ELOVL6: variants seen among roughly 807,000 people sequenced by gnomAD.
The protein encoded by ELOVL6 is very long chain fatty acid elongase 6.
In ELOVL6, 8 loss-of-function variants were observed where a neutral mutation model predicts 31.7. The observed-to-expected ratio is 0.25, with a 90% confidence interval of 0.15 to 0.45. ELOVL6 has a LOEUF of 0.45. Among genes scored for constraint, ELOVL6 ranks in the 20% least tolerant of loss-of-function variants. The probability of loss-of-function intolerance (pLI) is 1.00; values close to 1 mark genes in which losing one functional copy is unlikely to be tolerated. For missense variants in ELOVL6, 126 were observed against 326.4 expected, an observed-to-expected ratio of 0.39 and a Z score of 4.73; for synonymous variants, 101 against 117.7, an observed-to-expected ratio of 0.86 and a Z score of 0.92.
chr4:110,130,207 T>C lies in ELOVL6; in HGVS notation c.90-24579A>G, dbSNP rs547224901. Among the ~76,000 whole-genome samples, 42 of 152,158 alleles carry C rather than the reference T, an allele frequency of 2.8e-4. 1 individual carries two copies. The highest frequency in any genetic ancestry group is 9.9e-4 in the African/African-American group (41 of 41,540). On this transcript the variant is annotated intron_variant, in intron 1 of 3. Coordinates refer to ENST00000302274, the MANE Select transcript of ELOVL6 (RefSeq NM_024090.3). ...CACCGCGCCTGGCCACCCAACACAA[T>C]CTTAATACTCTAAATTTCAATTAAA...
chr4:110,059,539 CTAAA>C, intron 3 of ELOVL6, 60 bp downstream of exon 3: 4 of 1,491,768 alleles, frequency 2.7e-6, no homozygotes, highest in Non-Finnish European at 3.6e-6. Flanking sequence ...TCTTTGCTCA[CTAAA>C]TAAATACTGT....
intron 1 of ELOVL6, among the ~76,000 whole-genome samples, chr4:110,185,256 A>G (rs1262044890): frequency 6.6e-6 from 1 of 152,256 alleles, no homozygotes; most frequent in Non-Finnish European, 1.5e-5. Context: ...CAGTAATTCA[A>G]AACTAAATAC....
Position 110,176,347 on chromosome 4 carries a change from G to C in ELOVL6, c.89+21900C>G, listed in dbSNP as rs925515307. 2.0e-5 allele frequency among the ~76,000 whole-genome samples: 3 copies of C among 152,080 alleles called. 1 individual carries two copies. The highest frequency in any genetic ancestry group is 2.1e-4 in the South Asian group (1 of 4,828). ...CTGGATAATTTTTGTATTTTTAACA[G>C]AGATGGGGTTTCACCATGTTGGCAG... is the stretch of plus-strand genomic sequence containing the variant. On this transcript the variant is annotated intron_variant, in intron 1 of 3. Transcript: ENST00000302274.
At chr4:110,195,560 GAC>G (rs1560867771) in intron 1 of ELOVL6, among the ~76,000 whole-genome samples, 1 of 152,082 alleles carries the variant, frequency 6.6e-6, no homozygotes, top group Non-Finnish European at 1.5e-5. Context: ...ATGAAAGTAA[GAC>G]AATTAGGGTC....
At position 110,049,209 on chromosome 4, in the gene ELOVL6, AC is replaced by A. The variant is rs1754773857; in HGVS notation, c.*2128del. 1 of 152,232 alleles carries A rather than the reference AC, an allele frequency of 6.6e-6. No homozygotes were observed. The highest frequency in any genetic ancestry group is 1.5e-5 in the Non-Finnish European group (1 of 68,040). The allele number at this position is 152,232 out of a possible 1,614,324, so 9.4% of individuals were successfully genotyped here. A position where few individuals can be genotyped will look rare whatever the true frequency, so the allele number is the denominator to read the frequency against. On this transcript the variant is annotated 3_prime_UTR_variant, in exon 4 of 4. Transcript: ENST00000302274. ...TGTCAGATTTTGCATAATTTATAATACATTCCTCCATCAGTTGTGTCTCACC... is the reference window on the plus strand; with the variant it reads ...TGTCAGATTTTGCATAATTTATAATAATTCCTCCATCAGTTGTGTCTCACC...
At chr4:110,090,797 G>T (rs1021621330) in intron 2 of ELOVL6, among the ~76,000 whole-genome samples, 1 of 151,818 alleles carries the variant, frequency 6.6e-6, no homozygotes, top group Non-Finnish European at 1.5e-5. Flanking sequence ...CAGAGATGGG[G>T]TTTCGCCATG....
intron 3 of ELOVL6, among the ~76,000 whole-genome samples, chr4:110,052,832 C>T (rs1354131296): frequency 1.3e-5 from 2 of 152,218 alleles, no homozygotes; most frequent in African/African-American, 4.8e-5. Context: ...ATGCGTCTTT[C>T]TCCTTCCTAT....
chr4:110,165,354 T>C (rs1758745528), intron 1 of ELOVL6, among the ~76,000 whole-genome samples: 1 of 152,180 alleles, frequency 6.6e-6, no homozygotes, highest in Non-Finnish European at 1.5e-5. Flanking sequence ...CCTTCCTGTC[T>C]AGCAGACCTA....
intron 2 of ELOVL6, among the ~76,000 whole-genome samples, chr4:110,081,490 G>T (rs1755849369): frequency 6.6e-6 from 1 of 152,012 alleles, no homozygotes; most frequent in Non-Finnish European, 1.5e-5. Flanking sequence ...CAAGAAATGG[G>T]GAAAGGATTC....
In ELOVL6 at chr4:110,046,127, C is replaced by G. The variant is rs936397807; in HGVS notation, c.*5211G>C. ...TTGAAACGAGTATGACCAGGGAGGA[C>G]TGTTAGGCTACTTCTGTGGCCTTCT... On this transcript the variant is annotated 3_prime_UTR_variant, in exon 4 of 4. Coordinates refer to ENST00000302274, the MANE Select transcript of ELOVL6 (RefSeq NM_024090.3). 1 of 152,094 alleles carries G rather than the reference C, an allele frequency of 6.6e-6. No individual in the cohort carries two copies. The highest frequency in any genetic ancestry group is 1.5e-5 in the Non-Finnish European group (1 of 68,018). The allele number at this position is 152,094 out of a possible 1,614,324, so 9.4% of individuals were successfully genotyped here.
chr4:110,118,600 A>T (rs1757254525), intron 1 of ELOVL6, among the ~76,000 whole-genome samples: 1 of 152,204 alleles, frequency 6.6e-6, no homozygotes, highest in African/African-American at 2.4e-5. Flanking sequence ...TTTAATGCGA[A>T]ATAAAATTCC....
At chr4:110,085,917 A>G (rs1756251234) in intron 2 of ELOVL6, among the ~76,000 whole-genome samples, 2 of 152,118 alleles carry the variant, frequency 1.3e-5, no homozygotes, top group Admixed American at 1.3e-4. Flanking sequence ...GGGTTTCGCC[A>G]TGTTGCGATC....
At chr4:110,152,256 C>T (rs1048806453) in intron 1 of ELOVL6, among the ~76,000 whole-genome samples, 1 of 152,200 alleles carries the variant, frequency 6.6e-6, no homozygotes, top group Non-Finnish European at 1.5e-5. Flanking sequence ...ATGGACACTT[C>T]TCTTTGCAGA....
intron 1 of ELOVL6, among the ~76,000 whole-genome samples, chr4:110,170,195 T>C (rs999827612): frequency 2.0e-5 from 3 of 152,226 alleles, no homozygotes; most frequent in Non-Finnish European, 1.5e-5. Context: ...GATTTAAATT[T>C]GAAAAGACAA....
At chr4:110,062,845 G>A (rs1166912370) in intron 2 of ELOVL6, among the ~76,000 whole-genome samples, 1 of 152,098 alleles carries the variant, frequency 6.6e-6, no homozygotes, top group East Asian at 1.9e-4. Context: ...ATTACTAACA[G>A]TTTTATAATT....
chr4:110,138,432 G>C (rs1757866277), intron 1 of ELOVL6, among the ~76,000 whole-genome samples: 1 of 152,122 alleles, frequency 6.6e-6, no homozygotes, highest in South Asian at 2.1e-4. Context: ...AAAGCAGAGA[G>C]ATACACACTA....
chr4:110,092,940 C>T (rs941477821), intron 2 of ELOVL6, among the ~76,000 whole-genome samples: 1 of 152,122 alleles, frequency 6.6e-6, no homozygotes, highest in Non-Finnish European at 1.5e-5. Context: ...TTAACAAATG[C>T]CTGCAGGTGT....
intron 1 of ELOVL6, among the ~76,000 whole-genome samples, chr4:110,132,744 G>A (rs1260281278): frequency 6.6e-6 from 1 of 152,094 alleles, no homozygotes; most frequent in Admixed American, 6.6e-5. Context: ...GGAGGCTGAG[G>A]CAGGAAGATC....
intron 2 of ELOVL6, among the ~76,000 whole-genome samples, chr4:110,104,524 A>G (rs1756833613): frequency 6.6e-6 from 1 of 152,234 alleles, no homozygotes; most frequent in Non-Finnish European, 1.5e-5. Context: ...ATAAGCTTTA[A>G]GTAACTAATG....
Sources: gnomAD v4.1 joint callset for allele counts (sites outside exome capture counted in the v4.1 genomes callset) on GRCh38, gnomAD v4.1.1 for gene constraint, MANE v1.5 for transcripts, NCBI Gene and HGNC (gene_info 2026-07-23, HGNC 2026-07-21) for gene names.